Variants in GRM5 observed in about 807,000 individuals in gnomAD.
GRM5 encodes glutamate metabotropic receptor 5.
GRM5 carries 19 observed loss-of-function variants against 83.1 expected under a neutral mutation model. The ratio of observed to expected loss-of-function variants is 0.23; its 90% CI spans 0.16 to 0.34. GRM5 has a LOEUF of 0.34. GRM5 is among the 10% of genes least tolerant of loss of function. The pLI, the probability that GRM5 is intolerant of heterozygous loss-of-function variation, is 1.00. For synonymous variants in GRM5, 675 were observed against 633.6 expected (o/e 1.07, Z -0.98); for missense variants, 1,160 against 1,588.3 (o/e 0.73, Z 4.58).
rs1254567146 is a variant in GRM5, at chr11:88,506,580, A to C, written c.*2012T>G. 6.6e-6 allele frequency: 1 copy of C among 152,196 alleles called. No homozygotes were observed. Among genetic ancestry groups the C allele is most frequent in the Non-Finnish European group, 1.5e-5 (1 of 68,020 alleles). 9.4% of individuals were successfully genotyped at this position (152,196 alleles called of 1,614,324 possible). On this transcript the variant is annotated 3_prime_UTR_variant, in exon 10 of 10. Transcript: ENST00000305447. ...TAAAAGCCTCGGTGTAATATTTGGG[A>C]TCAGGGTGCTGTGATGATGTTATTT...
intron 2 of GRM5, among the ~76,000 whole-genome samples, chr11:88,942,509 G>A (rs535439407): frequency 1.3e-5 from 2 of 152,108 alleles, no homozygotes; most frequent in East Asian, 3.9e-4. Flanking sequence ...GTGGGGACTG[G>A]CTTCCTGCTT....
chr11:88,968,044 C>G (rs1202331642), intron 2 of GRM5, among the ~76,000 whole-genome samples: 1 of 152,022 alleles, frequency 6.6e-6, no homozygotes, highest in African/African-American at 2.4e-5. Flanking sequence ...AGTGGAGCAA[C>G]AGAATTGAGA....
chr11:88,910,589 G>A (rs1244197455), intron 2 of GRM5, among the ~76,000 whole-genome samples: 1 of 152,072 alleles, frequency 6.6e-6, no homozygotes, highest in Non-Finnish European at 1.5e-5. Context: ...GCTGTGAAGA[G>A]GGAGTGAATT....
rs545346349 is a variant in GRM5, at chr11:88,648,656, A to T, written c.1147+4512T>A. Reference sequence around the variant, plus strand: ...TACCCTAAAACTTAAAGTATAATAAAAAAAAAAAAAGATTTTCAAGAGAGA... The same window carrying T: ...TACCCTAAAACTTAAAGTATAATAATAAAAAAAAAAGATTTTCAAGAGAGA... On this transcript the variant is annotated intron_variant, in intron 4 of 9. Coordinates refer to ENST00000305447, the MANE Select transcript of GRM5 (RefSeq NM_001143831.3). Among the ~76,000 whole-genome samples the T allele has an allele frequency of 7.0e-3, 153 of 21,758 alleles. No homozygotes were observed. The South Asian group carries it at 0.075, about 11-fold the overall frequency. The allele number at this position is 21,758 out of a possible 152,430, so 14.3% of individuals were successfully genotyped here.
chr11:88,579,902 G>A (rs1344986029), intron 7 of GRM5, among the ~76,000 whole-genome samples: 1 of 152,150 alleles, frequency 6.6e-6, no homozygotes, highest in East Asian at 1.9e-4. Context: ...GTAGAATCAA[G>A]GAGAAAAGTT....
At chr11:88,925,640 G>T in intron 2 of GRM5, 1 of 407,038 alleles carries the variant, frequency 2.5e-6, no homozygotes, top group South Asian at 1.8e-5. Flanking sequence ...CGGGTGCTGG[G>T]GTGGCTCATG....
intron 2 of GRM5, among the ~76,000 whole-genome samples, chr11:89,033,067 C>G (rs1342466446): frequency 6.6e-6 from 1 of 151,958 alleles, no homozygotes; most frequent in Non-Finnish European, 1.5e-5. Flanking sequence ...GTGCATAGAT[C>G]TTGGCACATA....
At chr11:88,517,514 T>G (rs567095209) in intron 9 of GRM5, among the ~76,000 whole-genome samples, 1 of 152,280 alleles carries the variant, frequency 6.6e-6, no homozygotes, top group East Asian at 1.9e-4. Flanking sequence ...TTAGATAAAA[T>G]GATTGATTTA....
At position 88,754,867 on chromosome 11, in the gene GRM5, A is replaced by G. The variant is rs540735300; in HGVS notation, c.911+95039T>C. 2.0e-5 allele frequency among the ~76,000 whole-genome samples: 3 copies of G among 152,240 alleles called. No individual in the cohort carries two copies. In the South Asian group the frequency reaches 6.2e-4, roughly 32 times the overall value. Reference sequence around the variant, plus strand: ...CAGTTGGGGTTGGTCTGTTCTCCAAATCAATTGTCTCTGTGCTCTGCCCAA... The same window carrying G: ...CAGTTGGGGTTGGTCTGTTCTCCAAGTCAATTGTCTCTGTGCTCTGCCCAA... On this transcript the variant is annotated intron_variant, in intron 3 of 9. Transcript: ENST00000305447.
At chr11:89,026,293 A>T (rs552841584) in intron 2 of GRM5, among the ~76,000 whole-genome samples, 1 of 152,340 alleles carries the variant, frequency 6.6e-6, no homozygotes, top group Non-Finnish European at 1.5e-5. Context: ...AAACCTGCAC[A>T]TGTACCCCCT....
In GRM5 at chr11:89,056,978, A is replaced by G. The variant is rs569340441; in HGVS notation, c.-201+8798T>C. Among the ~76,000 whole-genome samples, 12 of 152,288 alleles carry G rather than the reference A, an allele frequency of 7.9e-5. No individual in the cohort carries two copies. In the South Asian group the frequency reaches 2.3e-3, roughly 29 times the overall value. On this transcript the variant is annotated intron_variant, in intron 1 of 9. Coordinates refer to ENST00000305447, the MANE Select transcript of GRM5 (RefSeq NM_001143831.3). ...ATATTATATCCTAAATGATATGAAA[A>G]AGAGATATTGATGGATAAACTTTGC...
chr11:88,779,611 A>G (rs1942933767), intron 3 of GRM5, among the ~76,000 whole-genome samples: 2 of 152,316 alleles, frequency 1.3e-5, no homozygotes, highest in African/African-American at 2.4e-5. Context: ...AGAAATTAAT[A>G]TACTCACACA....
rs1189231232 is a variant in GRM5, at chr11:88,567,032, G to A, written c.2630+21C>T. On this transcript the variant is annotated intron_variant, in intron 8 of 9. Coordinates refer to ENST00000305447, the MANE Select transcript of GRM5 (RefSeq NM_001143831.3). The surrounding 1 kb of genome is among the most constrained non-coding windows in gnomAD (Gnocchi z 7.3). Reference sequence around the variant, plus strand: ...TCCAGTTTTAGGGGCCAGCATCCCTGTAAGCCCCCACAACTTTTACCTTAA... The same window carrying A: ...TCCAGTTTTAGGGGCCAGCATCCCTATAAGCCCCCACAACTTTTACCTTAA... 6 of 1,501,572 alleles carry A rather than the reference G, an allele frequency of 4.0e-6. No homozygotes were observed. Among genetic ancestry groups the A allele is most frequent in the Non-Finnish European group, 5.5e-6 (6 of 1,094,350 alleles). 93.0% of individuals were successfully genotyped at this position (1,501,572 alleles called of 1,614,324 possible). A position where few individuals can be genotyped will look rare whatever the true frequency, so the allele number is the denominator to read the frequency against.
intron 4 of GRM5, among the ~76,000 whole-genome samples, chr11:88,627,620 C>A (rs1266166293): frequency 6.6e-6 from 1 of 151,990 alleles, no homozygotes; most frequent in East Asian, 1.9e-4. Flanking sequence ...TCAATCTCAC[C>A]CCTTTCCCTA....
chr11:88,725,241 C>A (rs986340918), intron 3 of GRM5, among the ~76,000 whole-genome samples: 2 of 152,126 alleles, frequency 1.3e-5, no homozygotes, highest in African/African-American at 4.8e-5. Flanking sequence ...AGGTGGTTTT[C>A]CCCTCACAGT....
chr11:88,648,525 G>A (rs1336671516), intron 4 of GRM5, among the ~76,000 whole-genome samples: 2 of 94,940 alleles, frequency 2.1e-5, no homozygotes, highest in Non-Finnish European at 2.1e-5. Flanking sequence ...AGGGGGGAGG[G>A]ATAGCACTGG....
rs1244645822 is a variant in GRM5 at position 88,508,441 on chromosome 11, G to T, written c.*151C>A. On this transcript the variant is annotated 3_prime_UTR_variant, in exon 10 of 10. Transcript: ENST00000305447. The surrounding 1 kb of genome is among the most constrained non-coding windows in gnomAD (Gnocchi z 4.2). ...TCGGTTTCTTCGTCGGTTGTCATGA[G>T]ATAGCACTACTGATCTCGTGTTTCC... The T allele has an allele frequency of 1.8e-6, 1 of 544,188 alleles. No homozygotes were observed. The highest frequency in any genetic ancestry group is 3.2e-6 in the Non-Finnish European group (1 of 316,624). 33.7% of individuals were successfully genotyped at this position (544,188 alleles called of 1,614,324 possible). A position where few individuals can be genotyped will look rare whatever the true frequency, so the allele number is the denominator to read the frequency against.
At chr11:88,636,869 C>A (rs552288460) in intron 4 of GRM5, among the ~76,000 whole-genome samples, 1 of 152,092 alleles carries the variant, frequency 6.6e-6, no homozygotes, top group South Asian at 2.1e-4. Flanking sequence ...TGTAGATATG[C>A]GGCGTTATTT....
intron 2 of GRM5, among the ~76,000 whole-genome samples, chr11:88,892,503 C>A (rs1945162837): frequency 6.6e-6 from 1 of 151,888 alleles, no homozygotes; most frequent in African/African-American, 2.4e-5. Context: ...CAAAGCCAAC[C>A]CAAAAGGCCT....
Sources: gnomAD v4.1 joint callset for allele counts (sites outside exome capture counted in the v4.1 genomes callset) on GRCh38, gnomAD v4.1.1 for gene constraint, Gnocchi (gnomAD v3.1) non-coding constraint, MANE v1.5 for transcripts, NCBI Gene and HGNC (gene_info 2026-07-23, HGNC 2026-07-21) for gene names.